FSD2: variants seen among roughly 807,000 people sequenced by gnomAD.
FSD2 encodes the protein fibronectin type III and SPRY domain-containing protein 2.
Under a neutral mutation model 80.4 loss-of-function variants are expected in FSD2, and 71 were observed. The ratio of observed to expected loss-of-function variants is 0.88; its 90% CI spans 0.73 to 1.08. The LOEUF (loss-of-function observed/expected upper bound fraction) is 1.08. FSD2 is among the 50% of genes least tolerant of loss of function. The pLI, the probability that FSD2 is intolerant of heterozygous loss-of-function variation, is 0.00. For synonymous variants in FSD2, 361 were observed against 329.5 expected, an observed-to-expected ratio of 1.10 and a Z score of -1.03; for missense variants, 923 against 913.8, an observed-to-expected ratio of 1.01 and a Z score of -0.13.
chr15:82,770,452 A>G (rs1482658976), intron 7 of FSD2, among the ~76,000 whole-genome samples: 4 of 152,202 alleles, frequency 2.6e-5, no homozygotes, highest in African/African-American at 9.7e-5. Flanking sequence ...CAGGTGAATC[A>G]CTAGGTCAGG....
intron 12 of FSD2, among the ~76,000 whole-genome samples, chr15:82,761,496 G>A (rs931859268): frequency 6.6e-6 from 1 of 151,998 alleles, no homozygotes; most frequent in African/African-American, 2.4e-5. Context: ...AAACTGTATT[G>A]GCTTAATACT....
At chr15:82,784,702 A>G (rs1194455540) in intron 3 of FSD2, among the ~76,000 whole-genome samples, 2 of 152,112 alleles carry the variant, frequency 1.3e-5, no homozygotes, top group Admixed American at 6.6e-5. Context: ...GAAAAGGTCT[A>G]CCTTCATGGG....
At position 82,758,214 on chromosome 15, in the gene FSD2, T is replaced by A. The variant is rs1358143007; in HGVS notation, c.*1134A>T. 6.6e-6 allele frequency: 1 copy of A among 152,156 alleles called. No individual in the cohort carries two copies. The highest frequency in any genetic ancestry group is 1.5e-5 in the Non-Finnish European group (1 of 68,036). The allele number at this position is 152,156 out of a possible 1,614,324, so 9.4% of individuals were successfully genotyped here. A position where few individuals can be genotyped will look rare whatever the true frequency, so the allele number is the denominator to read the frequency against. ...GCATCTGTGGGACATGATACTGAAT[T>A]GTAATTGCTTCACAAATGGAATTAT... On this transcript the variant is annotated 3_prime_UTR_variant, in exon 13 of 13. Coordinates refer to ENST00000334574, the MANE Select transcript of FSD2 (RefSeq NM_001007122.4).
Position 82,786,592 on chromosome 15 carries a change from T to C in FSD2, c.654A>G (p.Lys218=), listed in dbSNP as rs371354892. ...ALESAKDEIH[K]NMYKLEKQII... The stretch of plus-strand genomic sequence containing the variant: ...TCTGCTTTTCCAATTTGTACATGTT[T>C]TTGTGAATTTCATCCTATCCAACAG... Residue 218 remains lysine (K), a synonymous_variant, in exon 3 of 13, where the codon AAA becomes AAG. Transcript: ENST00000334574. 269 of 1,613,450 alleles carry C rather than the reference T, an allele frequency of 1.7e-4. No homozygotes were observed. Among genetic ancestry groups the C allele is most frequent in the Non-Finnish European group, 2.2e-4 (255 of 1,179,622 alleles).
Position 82,759,582 on chromosome 15 carries a change from C to T in FSD2, c.2016G>A (p.Leu672=), listed in dbSNP as rs1336857456. 1.9e-6 allele frequency: 3 copies of T among 1,587,448 alleles called. No individual in the cohort carries two copies. Among genetic ancestry groups the T allele is most frequent in the Non-Finnish European group, 2.6e-6 (3 of 1,166,048 alleles). ...TTATATCTGGAGTTGTTCTGTTGTG[C>T]AGAAATTCATACTTATGCCTGAAAA... is the stretch of plus-strand genomic sequence containing the variant. ...FASSRHKYEF[L]HNRTTPDIRI... Residue 672 remains leucine (L), a synonymous_variant, in exon 13 of 13, where the codon CTG becomes CTA. Transcript: ENST00000334574.
At chr15:82,792,782 G>A (rs959514683) in intron 1 of FSD2, among the ~76,000 whole-genome samples, 5 of 152,120 alleles carry the variant, frequency 3.3e-5, no homozygotes, top group African/African-American at 4.8e-5. Flanking sequence ...ACAGGCATGA[G>A]CCACCGTGTC....
At chr15:82,773,287 T>A (rs1567305270) in intron 6 of FSD2, among the ~76,000 whole-genome samples, 1 of 152,342 alleles carries the variant, frequency 6.6e-6, no homozygotes, top group East Asian at 1.9e-4. Context: ...GGTTCATCCT[T>A]TGCTTTCTGA....
chr15:82,798,237 C>A (rs571463418), intron 1 of FSD2, among the ~76,000 whole-genome samples: 1 of 152,060 alleles, frequency 6.6e-6, no homozygotes, highest in South Asian at 2.1e-4. Context: ...CCCAGCTACT[C>A]GGGATGCTAA....
chr15:82,759,272 A>G lies in FSD2; in HGVS notation c.*76T>C. On this transcript the variant is annotated 3_prime_UTR_variant, in exon 13 of 13. Coordinates refer to ENST00000334574, the MANE Select transcript of FSD2 (RefSeq NM_001007122.4). ...GCTGGGCACATGGTGCTTAAGTGCC[A>G]GGTTCAGCCAGCTAAGGCGTGAGCA... 1 of 1,495,768 alleles carries G rather than the reference A, an allele frequency of 6.7e-7. No homozygotes were observed. Among genetic ancestry groups the G allele is most frequent in the East Asian group, 2.3e-5 (1 of 43,726 alleles). 92.7% of individuals were successfully genotyped at this position (1,495,768 alleles called of 1,614,324 possible).
intron 6 of FSD2, among the ~76,000 whole-genome samples, chr15:82,777,047 T>A (rs1340910550): frequency 2.0e-5 from 3 of 152,310 alleles, no homozygotes; most frequent in African/African-American, 7.2e-5. Context: ...ATCCCTATCT[T>A]ACACCAGAAC....
chr15:82,768,428 C>CTCTGTTTT (rs2049474620), intron 9 of FSD2, among the ~76,000 whole-genome samples: 1 of 152,198 alleles, frequency 6.6e-6, no homozygotes, highest in South Asian at 2.1e-4. Flanking sequence ...TGTTTTATTA[C>CTCTGTTTT]ATTTCTTTTT....
At position 82,765,232 on chromosome 15, in the gene FSD2, G is replaced by A. The variant is rs376563174; in HGVS notation, c.1754C>T (p.Thr585Met). 109 of 1,612,460 alleles carry A rather than the reference G, an allele frequency of 6.8e-5. No individual in the cohort carries two copies. The highest frequency in any genetic ancestry group is 8.4e-5 in the Admixed American group (5 of 59,768). ...PWLTISEDGL[T>M]AVRSERRTPA... ...GGTTCTCCTTTCACTTCGTACAGCCGTAAGTCCGTCTTCAGAAATGGTCAG... is the reference window on the plus strand; with the variant it reads ...GGTTCTCCTTTCACTTCGTACAGCCATAAGTCCGTCTTCAGAAATGGTCAG... The change falls in exon 11 of 13, where the codon ACG becomes ATG. Residue 585 changes from threonine (T) to methionine (M), a missense_variant. Transcript: ENST00000334574.
intron 1 of FSD2, among the ~76,000 whole-genome samples, chr15:82,799,337 C>G (rs1386952366): frequency 6.6e-6 from 1 of 152,186 alleles, no homozygotes; most frequent in African/African-American, 2.4e-5. Context: ...AGGCCACTGA[C>G]TGCTGAAATC....
At chr15:82,780,216 AG>A in intron 5 of FSD2, 28 bp downstream of exon 5, 1 of 1,470,016 alleles carries the variant, frequency 6.8e-7, no homozygotes, top group Non-Finnish European at 9.1e-7. Flanking sequence ...AAGTAAAAAA[AG>A]AAATACATAC....
At chr15:82,804,630 G>A (rs1450344812) in intron 1 of FSD2, among the ~76,000 whole-genome samples, 1 of 152,112 alleles carries the variant, frequency 6.6e-6, no homozygotes, top group East Asian at 1.9e-4. Flanking sequence ...GCTACCCAAA[G>A]GGAAATAGCC....
At chr15:82,761,976 C>T in intron 12 of FSD2, 126 bp downstream of exon 12, 1 of 883,142 alleles carries the variant, frequency 1.1e-6, no homozygotes, top group Non-Finnish European at 1.6e-6. Context: ...TGGCTGGCAG[C>T]AACTCCTGAA....
At chr15:82,797,457 CT>C (rs926092355) in intron 1 of FSD2, among the ~76,000 whole-genome samples, 1 of 152,164 alleles carries the variant, frequency 6.6e-6, no homozygotes, top group African/African-American at 2.4e-5. Flanking sequence ...CACAAATAAA[CT>C]TTTTTTAAAA....
chr15:82,803,861 C>T (rs183555737), intron 1 of FSD2, among the ~76,000 whole-genome samples: 1 of 152,232 alleles, frequency 6.6e-6, no homozygotes, highest in East Asian at 1.9e-4. Context: ...TTGTTTCTGC[C>T]ACATCCTGGA....
chr15:82,762,351 T>C, intron 11 of FSD2, 73 bp from the exon 12 acceptor site: 1 of 1,446,578 alleles, frequency 6.9e-7, no homozygotes, highest in Non-Finnish European at 9.5e-7. Flanking sequence ...GTGATGCCAG[T>C]TGCTGGGATC....
Sources: gnomAD v4.1 joint callset for allele counts (sites outside exome capture counted in the v4.1 genomes callset) on GRCh38, gnomAD v4.1.1 for gene constraint, MANE v1.5 for transcripts, NCBI Gene and HGNC (gene_info 2026-07-23, HGNC 2026-07-21) for gene names.